STAB2: variants seen among roughly 807,000 people sequenced by gnomAD.
STAB2 encodes stabilin 2.
Under a neutral mutation model 338.1 loss-of-function variants are expected in STAB2, and 288 were observed. The observed-to-expected ratio is 0.85, with a 90% CI of 0.77 to 0.94. The LOEUF (loss-of-function observed/expected upper bound fraction) is 0.94. STAB2 is among the 40% of genes least tolerant of loss of function. The pLI, the probability that STAB2 is intolerant of heterozygous loss-of-function variation, is 0.00. For missense variants in STAB2, 3,141 were observed against 3,210.1 expected (o/e 0.98, Z 0.52); for synonymous variants, 1,202 against 1,193.3 (o/e 1.01, Z -0.15).
chr12:103,607,873 A>G (rs1347649152), intron 3 of STAB2, among the ~76,000 whole-genome samples: 1 of 152,220 alleles, frequency 6.6e-6, no homozygotes, highest in Non-Finnish European at 1.5e-5. Context: ...TTATAGCAGC[A>G]TGATTTATAA....
chr12:103,712,486 G>T (rs1879957716), intron 41 of STAB2, 43 bp downstream of exon 41: 1 of 1,477,240 alleles, frequency 6.8e-7, no homozygotes, highest in African/African-American at 1.4e-5. Flanking sequence ...GGCAAGGCTT[G>T]CACAGGCTAT....
intron 3 of STAB2, among the ~76,000 whole-genome samples, chr12:103,612,549 G>A (rs1432992482): frequency 6.6e-6 from 1 of 152,112 alleles, no homozygotes; most frequent in East Asian, 1.9e-4. Context: ...GGTCCTTTAA[G>A]GACTTCTCTG....
At chr12:103,725,815 A>G (rs1384072575) in intron 45 of STAB2, among the ~76,000 whole-genome samples, 1 of 152,260 alleles carries the variant, frequency 6.6e-6, no homozygotes, top group Non-Finnish European at 1.5e-5. Flanking sequence ...CCATAAACCT[A>G]TAACTGATTT....
intron 9 of STAB2, among the ~76,000 whole-genome samples, chr12:103,641,266 A>G (rs1872906442): frequency 6.6e-6 from 1 of 152,214 alleles, no homozygotes; most frequent in Admixed American, 6.5e-5. Flanking sequence ...GGACAAATAA[A>G]TAGATCTGTA....
chr12:103,763,708 CATT>C, intron 68 of STAB2, 100 bp downstream of exon 68: 1 of 1,128,342 alleles, frequency 8.9e-7, no homozygotes, highest in Non-Finnish European at 1.3e-6. Context: ...AAAGAAGGTT[CATT>C]TCTAGAATGT....
intron 34 of STAB2, among the ~76,000 whole-genome samples, chr12:103,700,622 T>C (rs1489298420): frequency 6.6e-6 from 1 of 152,222 alleles, no homozygotes; most frequent in Non-Finnish European, 1.5e-5. Flanking sequence ...ATTATGGTAT[T>C]GACAGAGCTT....
At chr12:103,655,089 C>T (rs995739748) in intron 13 of STAB2, among the ~76,000 whole-genome samples, 162 bp from the exon 14 acceptor site, 9 of 152,150 alleles carry the variant, frequency 5.9e-5, no homozygotes, top group Non-Finnish European at 1.2e-4. Flanking sequence ...ACTGTTTCAA[C>T]GACAGCGAAC....
Position 103,704,557 on chromosome 12 carries a change from G to A in STAB2, c.3844-1G>A, listed in dbSNP as rs1295225919. ...ATTGATTGCTTTTGTGTTTTACCAA[G>A]GGAAGATGTAGGACATGCTCCTCAG... On this transcript the variant is annotated splice_acceptor_variant, in intron 35 of 68. Coordinates refer to ENST00000388887, the MANE Select transcript of STAB2 (RefSeq NM_017564.10). LOFTEE classifies it high-confidence loss of function. 1.2e-6 allele frequency: 2 copies of A among 1,612,974 alleles called. No individual in the cohort carries two copies. The highest frequency in any genetic ancestry group is 4.5e-5 in the East Asian group (2 of 44,836).
intron 17 of STAB2, 137 bp from the exon 18 acceptor site, chr12:103,662,709 A>G: frequency 1.0e-6 from 1 of 981,718 alleles, no homozygotes; most frequent in Non-Finnish European, 1.5e-6. Flanking sequence ...TATAATAGCA[A>G]CCTACCCTCC....
Position 103,759,261 on chromosome 12 carries a change from C to T in STAB2, c.7236C>T (p.Asp2412=), listed in dbSNP as rs1884364483. 1 of 1,614,056 alleles carries T rather than the reference C, an allele frequency of 6.2e-7. No homozygotes were observed. Among genetic ancestry groups the T allele is most frequent in the Non-Finnish European group, 8.5e-7 (1 of 1,180,008 alleles). Residue 2412 remains aspartate, a synonymous_variant, in exon 65 of 69, where the codon GAC becomes GAT. Coordinates refer to ENST00000388887, the MANE Select transcript of STAB2 (RefSeq NM_017564.10). ...GSKLLITASQ[D]PLQPTETRFV... is the part of the protein sequence containing the mutation. ...AGCTGCTCATCACTGCCAGCCAGGA[C>T]CCACTCCAACCGGTACAAAGTCTTC...
At chr12:103,735,426 T>G in intron 51 of STAB2, 65 bp from the exon 52 acceptor site, 1 of 1,232,216 alleles carries the variant, frequency 8.1e-7, no homozygotes, top group Non-Finnish European at 1.1e-6. Flanking sequence ...TTGGTAAAGC[T>G]CCTTCGGGCC....
intron 26 of STAB2, among the ~76,000 whole-genome samples, chr12:103,684,424 G>A (rs1352095579): frequency 2.6e-5 from 4 of 152,158 alleles, no homozygotes; most frequent in East Asian, 1.9e-4. Flanking sequence ...GGAGGGAGAT[G>A]CCCCCAAGGT....
intron 25 of STAB2, among the ~76,000 whole-genome samples, chr12:103,682,132 A>C (rs1224714134): frequency 1.4e-5 from 2 of 145,346 alleles, no homozygotes; most frequent in East Asian, 4.0e-4. Context: ...TTCTGTAGAC[A>C]AACTTGAAAA....
chr12:103,650,435 C>A, intron 10 of STAB2, 61 bp from the exon 11 acceptor site: 2 of 1,472,706 alleles, frequency 1.4e-6, no homozygotes, highest in Non-Finnish European at 1.9e-6. Flanking sequence ...CCTGATTTTA[C>A]TCCTCCTGTA....
intron 34 of STAB2, 114 bp from the exon 35 acceptor site, chr12:103,703,034 G>A (rs1879039285): frequency 8.3e-7 from 1 of 1,206,676 alleles, no homozygotes. Flanking sequence ...TATATCTCCA[G>A]GTGAATATTG....
chr12:103,687,222 A>G (rs1416769178), intron 27 of STAB2, among the ~76,000 whole-genome samples: 3 of 152,182 alleles, frequency 2.0e-5, no homozygotes, highest in African/African-American at 7.2e-5. Flanking sequence ...TTTCAGATAA[A>G]GCACTTGAGT....
intron 66 of STAB2, 121 bp from the exon 67 acceptor site, chr12:103,762,153 C>A: frequency 7.3e-7 from 1 of 1,361,968 alleles, no homozygotes; most frequent in Non-Finnish European, 1.0e-6. Flanking sequence ...GGGCCAGATA[C>A]ATGTTAACAT....
At chr12:103,650,473 T>C in intron 10 of STAB2, 23 bp from the exon 11 acceptor site, 2 of 1,610,230 alleles carry the variant, frequency 1.2e-6, no homozygotes, top group Non-Finnish European at 1.7e-6. Flanking sequence ...GTTTTCTTTC[T>C]TTGTGTTATT....
rs1874641872 is a variant in STAB2, at chr12:103,661,778, AGAGCAGAAAGGAGCATG to A, written c.1869+1016_1869+1032del. Among the ~76,000 whole-genome samples the A allele has an allele frequency of 1.1e-4, 17 of 152,302 alleles. No individual in the cohort carries two copies. In the South Asian group the frequency reaches 3.5e-3, roughly 32 times the overall value. ...AGGGAACAGCAAGGGTGAAAAGCAC[AGAGCAGAAAGGAGCATG>A]CTGGGCTGTGTGAGGAACAGCAAGG... On this transcript the variant is annotated intron_variant, in intron 17 of 68. Coordinates refer to ENST00000388887, the MANE Select transcript of STAB2 (RefSeq NM_017564.10).
Sources: gnomAD v4.1 joint callset for allele counts (sites outside exome capture counted in the v4.1 genomes callset) on GRCh38, gnomAD v4.1.1 for gene constraint, MANE v1.5 for transcripts, NCBI Gene and HGNC (gene_info 2026-07-23, HGNC 2026-07-21) for gene names.